Variants in MYO5B observed in about 807,000 individuals in gnomAD.
MYO5B encodes unconventional myosin-Vb.
Under a neutral mutation model 229.3 loss-of-function variants are expected in MYO5B, and 143 were observed. The ratio of observed to expected loss-of-function variants is 0.62; its 90% CI spans 0.54 to 0.72. MYO5B has a LOEUF of 0.72. Among genes scored for constraint, MYO5B ranks in the 30% least tolerant of loss-of-function variants. The probability of loss-of-function intolerance (pLI) is 0.00; values close to 1 mark genes in which losing one functional copy is unlikely to be tolerated. For missense variants in MYO5B, 2,321 were observed against 2,331.0 expected (o/e 1.00, Z 0.09); for synonymous variants, 918 against 885.2 (o/e 1.04, Z -0.66).
chr18:49,951,375 T>C (rs144107349), intron 14 of MYO5B, among the ~76,000 whole-genome samples: 71 of 152,350 alleles, frequency 4.7e-4, no homozygotes, highest in Non-Finnish European at 9.1e-4. Flanking sequence ...CACCTTCTTC[T>C]TGACCTTCTT....
intron 36 of MYO5B, among the ~76,000 whole-genome samples, chr18:49,838,225 A>G (rs577362282): frequency 6.6e-6 from 1 of 152,314 alleles, no homozygotes; most frequent in South Asian, 2.1e-4. Context: ...ATCTCTTTCA[A>G]TCTTCCAACA....
At chr18:50,158,803 G>A (rs995699857) in intron 1 of MYO5B, among the ~76,000 whole-genome samples, 1 of 152,176 alleles carries the variant, frequency 6.6e-6, no homozygotes, top group Admixed American at 6.5e-5. Context: ...TCTGAGGCAG[G>A]AGCTACAGTT....
chr18:50,154,129 G>A (rs889999478), intron 1 of MYO5B, among the ~76,000 whole-genome samples: 5 of 152,082 alleles, frequency 3.3e-5, no homozygotes, highest in East Asian at 1.9e-4. Flanking sequence ...TATGTGTGTA[G>A]GTCTGTATGT....
chr18:50,135,148 T>G (rs375900058), intron 1 of MYO5B, among the ~76,000 whole-genome samples: 3 of 152,320 alleles, frequency 2.0e-5, no homozygotes, highest in South Asian at 2.1e-4. Context: ...CCCTCAAGTG[T>G]TTGTATCCTG....
rs1388556340 is a variant in MYO5B at position 49,877,776 on chromosome 18, A to T, written c.3383T>A (p.Leu1128His). 2.5e-6 allele frequency: 4 copies of T among 1,614,100 alleles called. No individual in the cohort carries two copies. The highest frequency in any genetic ancestry group is 3.4e-6 in the Non-Finnish European group (4 of 1,179,962). The change falls in exon 25 of 40, where the codon CTC becomes CAC. Residue 1128 changes from leucine to histidine, a missense_variant. Coordinates refer to ENST00000285039, the MANE Select transcript of MYO5B (RefSeq NM_001080467.3). ...TGCATCACTCACCTCCACCTGCTGG[A>T]GGGCATCCTCAGTGTCTCCGATCTC... ...TSEIGDTEDA[L>H]QQVEEIGLEK...
intron 26 of MYO5B, 116 bp from the exon 27 acceptor site, chr18:49,872,348 C>T: frequency 7.4e-6 from 7 of 945,606 alleles, no homozygotes; most frequent in South Asian, 2.6e-5. Context: ...CCCAACACCC[C>T]CACCCTCCAC....
intron 1 of MYO5B, chr18:50,098,920 T>G (rs1210452189): frequency 6.5e-6 from 1 of 153,328 alleles, no homozygotes; most frequent in African/African-American, 2.4e-5. Flanking sequence ...TAGTCACCTC[T>G]GTCAACACCC....
chr18:49,858,268 G>A (rs1438147585), intron 29 of MYO5B, among the ~76,000 whole-genome samples: 3 of 152,208 alleles, frequency 2.0e-5, no homozygotes, highest in Non-Finnish European at 4.4e-5. Context: ...AGATGTTAGT[G>A]CCTGCATTTT....
intron 1 of MYO5B, among the ~76,000 whole-genome samples, chr18:50,173,823 T>TG (rs1555666450): frequency 2.0e-5 from 3 of 152,210 alleles, no homozygotes; most frequent in Admixed American, 1.3e-4. Flanking sequence ...AGAAAAGGCA[T>TG]ACACTTTCAG....
chr18:49,978,326 C>T (rs2025775608), intron 9 of MYO5B, among the ~76,000 whole-genome samples: 1 of 152,210 alleles, frequency 6.6e-6, no homozygotes, highest in African/African-American at 2.4e-5. Context: ...CCCTTCTCAC[C>T]TGAACGTTCT....
chr18:49,936,402 G>T, intron 15 of MYO5B, 53 bp from the exon 16 acceptor site: 1 of 1,336,624 alleles, frequency 7.5e-7, no homozygotes, highest in Non-Finnish European at 1.1e-6. Flanking sequence ...GTGGATGTGT[G>T]ATAAAGAAAA....
In MYO5B at chr18:49,843,224, C is replaced by T. The variant is rs1473181900; in HGVS notation, c.4611+17G>A. 6.2e-7 allele frequency: 1 copy of T among 1,613,430 alleles called. No individual in the cohort carries two copies. The highest frequency in any genetic ancestry group is 8.5e-7 in the Non-Finnish European group (1 of 1,179,994). On this transcript the variant is annotated intron_variant, in intron 34 of 39. Transcript: ENST00000285039. ...TCTACCCACCACAAACCATGACCTT[C>T]TGCAGGGGCTGCTTACTTTCAGGAC... is the stretch of plus-strand genomic sequence containing the variant.
At chr18:49,983,567 G>A (rs931689278) in intron 8 of MYO5B, among the ~76,000 whole-genome samples, 1 of 152,108 alleles carries the variant, frequency 6.6e-6, no homozygotes, top group African/African-American at 2.4e-5. Flanking sequence ...ACCCCATCCC[G>A]GCCCCTGCCA....
intron 4 of MYO5B, among the ~76,000 whole-genome samples, chr18:50,034,541 C>G (rs143780375): frequency 6.6e-6 from 1 of 152,082 alleles, no homozygotes; most frequent in African/African-American, 2.4e-5. Context: ...GTCAGAAGTT[C>G]GAGGCCAGCC....
chr18:50,085,155 A>T (rs1176486688), intron 1 of MYO5B, among the ~76,000 whole-genome samples: 2 of 152,216 alleles, frequency 1.3e-5, no homozygotes, highest in Non-Finnish European at 2.9e-5. Flanking sequence ...AAATTTTTGC[A>T]ACCTACTTAT....
rs1033525312 is a variant in MYO5B at position 50,043,769 on chromosome 18, C to A, written c.139-3455G>T. ...GGCATTAGCAGCAATCTGGATGGGA[C>A]TGGAGATTCTAAGTAACTCAGGAAT... On this transcript the variant is annotated intron_variant, in intron 2 of 39. Transcript: ENST00000285039. Among the ~76,000 whole-genome samples the A allele has an allele frequency of 3.3e-5, 5 of 149,690 alleles. No individual in the cohort carries two copies. The Admixed American group carries it at 3.4e-4, about 10-fold the overall frequency.
At chr18:50,124,636 T>C (rs1184592451) in intron 1 of MYO5B, among the ~76,000 whole-genome samples, 3 of 152,072 alleles carry the variant, frequency 2.0e-5, no homozygotes, top group Non-Finnish European at 4.4e-5. Flanking sequence ...CTGCATAGAA[T>C]CCCTGTGCAA....
intron 12 of MYO5B, among the ~76,000 whole-genome samples, chr18:49,958,600 C>T (rs1019628297): frequency 3.3e-5 from 5 of 152,232 alleles, no homozygotes; most frequent in African/African-American, 1.2e-4. Flanking sequence ...ACCCCTGCCT[C>T]CTGGAGGGCC....
chr18:50,182,965 A>G (rs1026775678), intron 1 of MYO5B, among the ~76,000 whole-genome samples: 2 of 152,162 alleles, frequency 1.3e-5, no homozygotes, highest in African/African-American at 4.8e-5. Context: ...TACAACTTCA[A>G]TGACAGCAAT....
Sources: gnomAD v4.1 joint callset for allele counts (sites outside exome capture counted in the v4.1 genomes callset) on GRCh38, gnomAD v4.1.1 for gene constraint, MANE v1.5 for transcripts, NCBI Gene and HGNC (gene_info 2026-07-23, HGNC 2026-07-21) for gene names.